ASIC2: variants seen among roughly 807,000 people sequenced by gnomAD.
ASIC2 encodes the protein acid sensing ion channel subunit 2.
In ASIC2, 25 loss-of-function variants were observed where a neutral mutation model predicts 57.3. The ratio of observed to expected loss-of-function variants is 0.44; its 90% CI spans 0.32 to 0.61. The LOEUF (loss-of-function observed/expected upper bound fraction) is 0.61, where lower values mean the gene tolerates loss of function less well. Among genes scored for constraint, ASIC2 ranks in the 20% least tolerant of loss-of-function variants. The pLI is 0.06. For synonymous variants in ASIC2, 319 were observed against 307.5 expected, an observed-to-expected ratio of 1.04 and a Z score of -0.39; for missense variants, 641 against 738.1, an observed-to-expected ratio of 0.87 and a Z score of 1.52.
intron 1 of ASIC2, among the ~76,000 whole-genome samples, chr17:33,966,408 T>A (rs1277888832): frequency 6.6e-6 from 1 of 152,126 alleles, no homozygotes; most frequent in Non-Finnish European, 1.5e-5. Context: ...CCATGGAGAA[T>A]CCTATGAGGA....
chr17:34,102,756 T>G (rs914439427), intron 1 of ASIC2, among the ~76,000 whole-genome samples: 1 of 152,238 alleles, frequency 6.6e-6, no homozygotes, highest in Non-Finnish European at 1.5e-5. Flanking sequence ...CAGTTCTTGG[T>G]AATTGTGAAT....
chr17:33,828,958 C>G (rs1913024942), intron 1 of ASIC2, among the ~76,000 whole-genome samples: 1 of 152,138 alleles, frequency 6.6e-6, no homozygotes, highest in South Asian at 2.1e-4. Context: ...AAGTGTCTGT[C>G]ATAGAGCCTG....
intron 1 of ASIC2, among the ~76,000 whole-genome samples, chr17:33,405,924 G>A (rs1052304606): frequency 3.3e-5 from 5 of 152,006 alleles, no homozygotes; most frequent in Non-Finnish European, 7.4e-5. Flanking sequence ...AGTTAGAGAC[G>A]ACCCTGCCAG....
In ASIC2 at chr17:34,123,718, C is replaced by T. The variant is rs568555311; in HGVS notation, c.555+32260G>A. 2.0e-5 allele frequency among the ~76,000 whole-genome samples: 3 copies of T among 152,324 alleles called. No individual in the cohort carries two copies. In the South Asian group the frequency reaches 6.2e-4, roughly 32 times the overall value. ...ACAATGGTCTCCTGCTTCTTAGGAT[C>T]ATTGTAACCAAAAGCAACCTTTACT... is the stretch of plus-strand genomic sequence containing the variant. On this transcript the variant is annotated intron_variant, in intron 1 of 9. Coordinates refer to the ASIC2 transcript ENST00000359872.
intron 1 of ASIC2, among the ~76,000 whole-genome samples, chr17:33,191,651 G>A (rs550861721): frequency 2.0e-5 from 3 of 151,842 alleles, no homozygotes; most frequent in South Asian, 4.2e-4. Flanking sequence ...CCACCAGTAG[G>A]GTGGCAACAG....
intron 1 of ASIC2, among the ~76,000 whole-genome samples, chr17:33,503,938 A>G (rs1408352027): frequency 6.6e-6 from 1 of 152,246 alleles, no homozygotes; most frequent in Non-Finnish European, 1.5e-5. Flanking sequence ...GGAAGGACAC[A>G]TTGCAGACAC....
At chr17:33,364,101 C>T (rs1160206394) in intron 1 of ASIC2, among the ~76,000 whole-genome samples, 1 of 152,080 alleles carries the variant, frequency 6.6e-6, no homozygotes, top group South Asian at 2.1e-4. Flanking sequence ...CAAAGACACC[C>T]TGTGAATAAG....
chr17:33,451,638 C>T (rs73986664), intron 1 of ASIC2, among the ~76,000 whole-genome samples: 6,826 of 152,200 alleles, frequency 0.045, 491 homozygotes, highest in African/African-American at 0.15. Flanking sequence ...CTCACTACAT[C>T]CCTTATGCCC....
chr17:33,447,684 C>A (rs1912077440), intron 1 of ASIC2, among the ~76,000 whole-genome samples: 1 of 151,968 alleles, frequency 6.6e-6, no homozygotes, highest in Non-Finnish European at 1.5e-5. Flanking sequence ...AAGAGAGATA[C>A]AAAAGAGGTT....
At chr17:33,500,124 A>G (rs1406669668) in intron 1 of ASIC2, among the ~76,000 whole-genome samples, 3 of 152,192 alleles carry the variant, frequency 2.0e-5, no homozygotes, top group African/African-American at 7.2e-5. Context: ...AATAGGAAGG[A>G]AAAGCTATAA....
At chr17:34,002,019 C>G (rs547246689) in intron 1 of ASIC2, 1 of 152,212 alleles carries the variant, frequency 6.6e-6, no homozygotes, top group Non-Finnish European at 1.5e-5. Context: ...TCCTCTTACT[C>G]TGTTCTACTC....
chr17:33,608,059 G>C (rs1905272679), intron 1 of ASIC2, among the ~76,000 whole-genome samples: 1 of 152,166 alleles, frequency 6.6e-6, no homozygotes. Context: ...ACAGGTGGAA[G>C]TTATAGGAAA....
chr17:33,886,446 C>G (rs1031913617), intron 1 of ASIC2, among the ~76,000 whole-genome samples: 10 of 152,138 alleles, frequency 6.6e-5, no homozygotes, highest in African/African-American at 2.4e-4. Context: ...CAGCTAGTTA[C>G]TGAGAAGGCT....
At chr17:33,104,935 A>G (rs2092229409) in intron 2 of ASIC2, among the ~76,000 whole-genome samples, 1 of 152,116 alleles carries the variant, frequency 6.6e-6, no homozygotes, top group Non-Finnish European at 1.5e-5. Flanking sequence ...TTAGCAAGTG[A>G]TTGGGAAGGT....
chr17:33,750,589 A>C (rs1239668407), intron 1 of ASIC2, among the ~76,000 whole-genome samples: 3 of 152,132 alleles, frequency 2.0e-5, no homozygotes, highest in African/African-American at 7.2e-5. Context: ...AAGACCCTAC[A>C]GTTAATAACT....
intron 1 of ASIC2, among the ~76,000 whole-genome samples, chr17:33,492,695 C>T (rs934613435): frequency 3.3e-5 from 5 of 152,196 alleles, no homozygotes; most frequent in Admixed American, 3.3e-4. Context: ...CATGGGCTGG[C>T]TTCTAACATT....
chr17:33,989,645 T>C (rs1317653826), intron 1 of ASIC2, among the ~76,000 whole-genome samples: 2 of 152,078 alleles, frequency 1.3e-5, no homozygotes, highest in African/African-American at 2.4e-5. Context: ...TTTTGAGGAT[T>C]AGATAAGAAT....
intron 1 of ASIC2, among the ~76,000 whole-genome samples, chr17:33,927,696 T>C (rs976026253): frequency 3.9e-5 from 6 of 152,196 alleles, no homozygotes; most frequent in African/African-American, 9.6e-5. Flanking sequence ...AATGAGCAAA[T>C]TGAGGCTCAG....
intron 1 of ASIC2, among the ~76,000 whole-genome samples, chr17:33,638,736 G>A (rs1243415606): frequency 6.6e-6 from 1 of 152,174 alleles, no homozygotes; most frequent in Non-Finnish European, 1.5e-5. Flanking sequence ...GAGAGCTGCT[G>A]TGACTCTGCC....
Sources: allele counts gnomAD v4.1 joint callset (sites outside exome capture counted in the v4.1 genomes callset), GRCh38; gene constraint gnomAD v4.1.1; transcripts MANE v1.5; gene names NCBI Gene and HGNC (gene_info 2026-07-23, HGNC 2026-07-21).